Variants in KDM2A observed in about 807,000 individuals in gnomAD.
KDM2A encodes lysine demethylase 2A.
A neutral mutation model predicts 137.3 loss-of-function variants in KDM2A; 3 were observed. The observed-to-expected ratio is 0.02, with a 90% CI of 0.01 to 0.06. The LOEUF is 0.06. KDM2A is among the 10% of genes least tolerant of loss of function. KDM2A has a pLI of 1.00. For missense variants in KDM2A, 738 were observed against 1,510.6 expected, an observed-to-expected ratio of 0.49 and a Z score of 8.48; for synonymous variants, 512 against 541.5, an observed-to-expected ratio of 0.95 and a Z score of 0.76.
rs996877556 is a variant in KDM2A, at chr11:67,168,614, C to T, written c.43-11465C>T. 6.3e-3 allele frequency among the ~76,000 whole-genome samples: 705 copies of T among 112,238 alleles called. 62 individuals are homozygous for T. Among genetic ancestry groups the T allele is most frequent in the African/African-American group, 0.034 (549 of 15,960 alleles). 73.6% of individuals were successfully genotyped at this position (112,238 alleles called of 152,430 possible). A position where few individuals can be genotyped will look rare whatever the true frequency, so the allele number is the denominator to read the frequency against. On this transcript the variant is annotated intron_variant, in intron 2 of 20. Transcript: ENST00000529006. The stretch of plus-strand genomic sequence containing the variant: ...ACACACACACACACACACACACACA[C>T]ACACACACACACACACACACACACA...
chr11:67,169,769 T>C (rs1208412087), intron 2 of KDM2A, among the ~76,000 whole-genome samples: 7 of 84,534 alleles, frequency 8.3e-5, no homozygotes, highest in African/African-American at 1.1e-4. Context: ...CTTTTTTTTT[T>C]TTTTTTGAGA....
intron 2 of KDM2A, among the ~76,000 whole-genome samples, 170 bp downstream of exon 2, chr11:67,121,528 C>A (rs567489822): frequency 2.6e-5 from 4 of 152,292 alleles, no homozygotes; most frequent in African/African-American, 9.6e-5. Context: ...TTTGGCCAAA[C>A]ATGTTTTATA....
chr11:67,147,659 GAGT>G (rs745863257), intron 2 of KDM2A, among the ~76,000 whole-genome samples: 1 of 151,580 alleles, frequency 6.6e-6, no homozygotes, highest in Non-Finnish European at 1.5e-5. Flanking sequence ...TCTGGAGACT[GAGT>G]AGTTCCCTTT....
chr11:67,159,995 C>A (rs552666907), intron 2 of KDM2A, among the ~76,000 whole-genome samples: 16 of 152,234 alleles, frequency 1.1e-4, no homozygotes, highest in Non-Finnish European at 2.2e-4. Context: ...TACACAAATT[C>A]AGCTAAAATG....
intron 2 of KDM2A, among the ~76,000 whole-genome samples, chr11:67,159,704 A>G (rs554194396): frequency 1.3e-5 from 2 of 152,330 alleles, no homozygotes; most frequent in East Asian, 3.9e-4. Flanking sequence ...TTTGTCAGGC[A>G]TTTGATAGGT....
intron 2 of KDM2A, chr11:67,149,272 T>A (rs1383691727): frequency 6.6e-6 from 1 of 152,120 alleles, no homozygotes; most frequent in Non-Finnish European, 1.5e-5. Flanking sequence ...TCTTAACCTT[T>A]CTGAGTCTCA....
intron 2 of KDM2A, among the ~76,000 whole-genome samples, chr11:67,140,801 T>A (rs1032856240): frequency 6.6e-6 from 1 of 152,132 alleles, no homozygotes; most frequent in East Asian, 1.9e-4. Context: ...TATTAACCTT[T>A]CTGTCTCTAG....
At chr11:67,185,425 A>C (rs1471000884) in intron 5 of KDM2A, among the ~76,000 whole-genome samples, 1 of 152,058 alleles carries the variant, frequency 6.6e-6, no homozygotes, top group Non-Finnish European at 1.5e-5. Flanking sequence ...TGAGGTCAGG[A>C]GTTTGAGACC....
chr11:67,137,388 G>C (rs1032769935), intron 2 of KDM2A, among the ~76,000 whole-genome samples: 5 of 152,132 alleles, frequency 3.3e-5, no homozygotes, highest in African/African-American at 1.2e-4. Context: ...GATTAATTAG[G>C]AGGCTATTAT....
In KDM2A at chr11:67,182,289, A is replaced by G. The variant is rs565401964; in HGVS notation, c.307+397A>G. Among the ~76,000 whole-genome samples, 4 of 152,304 alleles carry G rather than the reference A, an allele frequency of 2.6e-5. No individual in the cohort carries two copies. The South Asian group carries it at 8.3e-4, about 32-fold the overall frequency. ...ATGCTCGCCAGTGCTGCATTTGGAA[A>G]CTTGCCTAAGACTTGAAACTTTATA... On this transcript the variant is annotated intron_variant, in intron 5 of 20. Coordinates refer to ENST00000529006, the MANE Select transcript of KDM2A (RefSeq NM_012308.3).
At chr11:67,183,577 A>G (rs748214871) in intron 5 of KDM2A, among the ~76,000 whole-genome samples, 17 of 152,192 alleles carry the variant, frequency 1.1e-4, no homozygotes, top group Non-Finnish European at 2.4e-4. Flanking sequence ...AATTTCAGGG[A>G]CAGCTTGGAC....
chr11:67,206,827 T>C (rs775306998), intron 5 of KDM2A, among the ~76,000 whole-genome samples: 6 of 152,272 alleles, frequency 3.9e-5, no homozygotes, highest in Non-Finnish European at 5.9e-5. Flanking sequence ...TGTGGCCTTA[T>C]GCGTTTTGTT....
At chr11:67,152,522 C>T (rs760675925) in intron 2 of KDM2A, among the ~76,000 whole-genome samples, 1 of 151,858 alleles carries the variant, frequency 6.6e-6, no homozygotes, top group Non-Finnish European at 1.5e-5. Flanking sequence ...GTGGGAGGAT[C>T]GCTTGAGCCT....
intron 5 of KDM2A, among the ~76,000 whole-genome samples, chr11:67,193,969 A>G (rs923551016): frequency 2.0e-5 from 3 of 152,126 alleles, no homozygotes; most frequent in Non-Finnish European, 2.9e-5. Context: ...TGGCCTCCCA[A>G]ATTGCTGAGA....
intron 2 of KDM2A, among the ~76,000 whole-genome samples, chr11:67,177,004 T>C (rs998096650): frequency 2.0e-5 from 3 of 152,156 alleles, no homozygotes; most frequent in African/African-American, 7.2e-5. Flanking sequence ...ACGCCTGTAA[T>C]CCCAGCACTT....
At chr11:67,184,002 G>C (rs577177926) in intron 5 of KDM2A, among the ~76,000 whole-genome samples, 14 of 151,510 alleles carry the variant, frequency 9.2e-5, no homozygotes, top group Non-Finnish European at 1.9e-4. Context: ...CCAGCTACGT[G>C]GGGGGCAATT....
At chr11:67,125,364 A>G (rs1855696518) in intron 2 of KDM2A, among the ~76,000 whole-genome samples, 1 of 151,384 alleles carries the variant, frequency 6.6e-6, no homozygotes, top group Admixed American at 6.6e-5. Flanking sequence ...TATTTTTTGT[A>G]GAGGTGGGGT....
chr11:67,168,545 T>TAC lies in KDM2A; in HGVS notation c.43-11514_43-11513dup, dbSNP rs34544708. Among the ~76,000 whole-genome samples, 865 of 110,012 alleles carry TAC rather than the reference T, an allele frequency of 7.9e-3. 27 individuals carry two copies. Among genetic ancestry groups the TAC allele is most frequent in the Middle Eastern group, 0.018 (4 of 226 alleles). 72.2% of individuals were successfully genotyped at this position (110,012 alleles called of 152,430 possible). A position where few individuals can be genotyped will look rare whatever the true frequency, so the allele number is the denominator to read the frequency against. On this transcript the variant is annotated intron_variant, in intron 2 of 20. Coordinates refer to ENST00000529006, the MANE Select transcript of KDM2A (RefSeq NM_012308.3). Reference sequence around the variant, plus strand: ...CAGCATGGTCTTGTATGAATTATAATACACACACACACACACACACAGTCT... The same window carrying TAC: ...CAGCATGGTCTTGTATGAATTATAATACACACACACACACACACACACAGTCT...
intron 5 of KDM2A, chr11:67,197,106 A>G (rs964217727): frequency 1.3e-5 from 2 of 152,244 alleles, no homozygotes; most frequent in South Asian, 2.1e-4. Context: ...GGTGAACACA[A>G]ATAACTTTGC....
Sources: gnomAD v4.1 joint callset for allele counts (sites outside exome capture counted in the v4.1 genomes callset) on GRCh38, gnomAD v4.1.1 for gene constraint, MANE v1.5 for transcripts, NCBI Gene and HGNC (gene_info 2026-07-23, HGNC 2026-07-21) for gene names.